Variants in EFR3A observed in about 807,000 individuals in gnomAD.
The protein encoded by EFR3A is protein EFR3 homolog A.
EFR3A carries 76 observed loss-of-function variants against 104.4 expected under a neutral mutation model. The ratio of observed to expected loss-of-function variants is 0.73; its 90% CI spans 0.60 to 0.88. EFR3A has a LOEUF of 0.88. EFR3A is among the 40% of genes least tolerant of loss of function. The pLI, the probability that EFR3A is intolerant of heterozygous loss-of-function variation, is 0.00. For synonymous variants in EFR3A, 330 were observed against 330.0 expected, an observed-to-expected ratio of 1.00 and a Z score of 0.00; for missense variants, 985 against 1,012.5, an observed-to-expected ratio of 0.97 and a Z score of 0.37.
At chr8:131,907,912 CA>C (rs1451112635) in intron 1 of EFR3A, among the ~76,000 whole-genome samples, 2 of 151,734 alleles carry the variant, frequency 1.3e-5, no homozygotes, top group African/African-American at 4.8e-5. Context: ...TTCTTTTTTG[CA>C]GTGACCTTTG....
intron 12 of EFR3A, 29 bp downstream of exon 12, chr8:131,977,121 CACTT>C (rs746613114): frequency 2.6e-5 from 40 of 1,520,406 alleles, no homozygotes; most frequent in Non-Finnish European, 3.5e-5. Context: ...ATAAAGGACA[CACTT>C]AACCTTAAAT....
intron 1 of EFR3A, among the ~76,000 whole-genome samples, chr8:131,907,436 C>A (rs1216823969): frequency 6.6e-6 from 1 of 152,184 alleles, no homozygotes; most frequent in Admixed American, 6.5e-5. Flanking sequence ...CCAAAACTCT[C>A]AAATATTGTT....
chr8:131,996,526 A>G, intron 19 of EFR3A, 29 bp downstream of exon 19: 1 of 1,476,034 alleles, frequency 6.8e-7, no homozygotes, highest in Non-Finnish European at 9.3e-7. Context: ...ATGGTAGAGT[A>G]CTGTCTTGGT....
intron 3 of EFR3A, among the ~76,000 whole-genome samples, chr8:131,945,551 A>G (rs976859179): frequency 1.3e-5 from 2 of 152,068 alleles, no homozygotes; most frequent in Non-Finnish European, 2.9e-5. Context: ...CACTTAGAAC[A>G]TTTTAGTAAG....
intron 1 of EFR3A, among the ~76,000 whole-genome samples, chr8:131,918,156 G>T (rs369842963): frequency 6.6e-6 from 1 of 152,074 alleles, no homozygotes; most frequent in East Asian, 1.9e-4. Flanking sequence ...GCGTGGTGGC[G>T]CATGCCTGCA....
Position 131,987,738 on chromosome 8 carries a change from A to T in EFR3A, c.2065+36A>T, listed in dbSNP as rs1351631246. Reference sequence around the variant, plus strand: ...GATAATTAGAACTTTCACTCTGGTGATTGCTTATGTTATAGTAAATTTTTC... The same window carrying T: ...GATAATTAGAACTTTCACTCTGGTGTTTGCTTATGTTATAGTAAATTTTTC... On this transcript the variant is annotated intron_variant, in intron 18 of 22. Transcript: ENST00000254624. 3 of 1,548,910 alleles carry T rather than the reference A, an allele frequency of 1.9e-6. No homozygotes were observed. The South Asian group carries it at 3.7e-5, about 19-fold the overall frequency.
At chr8:131,952,169 C>T (rs1159152127) in intron 5 of EFR3A, among the ~76,000 whole-genome samples, 5 of 152,090 alleles carry the variant, frequency 3.3e-5, no homozygotes, top group Non-Finnish European at 7.4e-5. Flanking sequence ...TCATTGTCAT[C>T]ATCCTCGTCG....
intron 5 of EFR3A, among the ~76,000 whole-genome samples, chr8:131,953,278 A>G (rs1401204897): frequency 1.3e-5 from 2 of 152,072 alleles, no homozygotes. Context: ...TTATAGACAT[A>G]TTTGTATATA....
At chr8:131,966,116 C>G (rs957409822) in intron 8 of EFR3A, among the ~76,000 whole-genome samples, 5 of 151,984 alleles carry the variant, frequency 3.3e-5, no homozygotes, top group African/African-American at 9.7e-5. Context: ...ACGTAAATGA[C>G]GAGTTAATGG....
At chr8:131,944,605 A>G in intron 2 of EFR3A, 140 bp from the exon 3 acceptor site, 1 of 813,584 alleles carries the variant, frequency 1.2e-6, no homozygotes, top group South Asian at 2.0e-5. Context: ...GTTAGCACTA[A>G]GGAGGTTATG....
At chr8:131,960,130 T>TG (rs1819228892) in intron 8 of EFR3A, among the ~76,000 whole-genome samples, 1 of 152,210 alleles carries the variant, frequency 6.6e-6, no homozygotes, top group African/African-American at 2.4e-5. Context: ...AGTGTGCACT[T>TG]GCCTTTCCAG....
intron 9 of EFR3A, 80 bp downstream of exon 9, chr8:131,968,510 G>A: frequency 7.5e-7 from 1 of 1,333,760 alleles, no homozygotes; most frequent in East Asian, 2.5e-5. Flanking sequence ...AGTGTATGAA[G>A]AACTCTTTAA....
At chr8:131,980,927 A>T (rs561592228) in intron 14 of EFR3A, among the ~76,000 whole-genome samples, 102 of 151,922 alleles carry the variant, frequency 6.7e-4, no homozygotes, top group African/African-American at 2.5e-3. Flanking sequence ...CTTGTGACTG[A>T]CTTGTTTGAC....
In EFR3A at chr8:132,013,463, A is replaced by G. The variant is rs1822451486; in HGVS notation, c.*2568A>G. The G allele has an allele frequency of 6.6e-6, 1 of 152,562 alleles. No homozygotes were observed. Among genetic ancestry groups the G allele is most frequent in the Non-Finnish European group, 1.5e-5 (1 of 68,030 alleles). 9.5% of individuals were successfully genotyped at this position (152,562 alleles called of 1,614,324 possible). A position where few individuals can be genotyped will look rare whatever the true frequency, so the allele number is the denominator to read the frequency against. On this transcript the variant is annotated 3_prime_UTR_variant, in exon 23 of 23. Transcript: ENST00000254624. Reference sequence around the variant, plus strand: ...TTTCTTCCTGTCTGAAAATGGAACTAATTTGTCTTATTCGTGCTTATATCT... The same window carrying G: ...TTTCTTCCTGTCTGAAAATGGAACTGATTTGTCTTATTCGTGCTTATATCT...
At chr8:131,939,901 A>G (rs764787949) in intron 1 of EFR3A, 2 of 152,292 alleles carry the variant, frequency 1.3e-5, no homozygotes, top group Non-Finnish European at 2.9e-5. Context: ...GTGAGGGGGC[A>G]CAGATGAGGA....
intron 1 of EFR3A, among the ~76,000 whole-genome samples, chr8:131,912,140 G>GT (rs1816540927): frequency 6.6e-6 from 1 of 152,104 alleles, no homozygotes; most frequent in South Asian, 2.1e-4. Flanking sequence ...TCATTTTGGA[G>GT]TATGTTTTCT....
At position 131,950,009 on chromosome 8, in the gene EFR3A, A is replaced by G. The variant is rs1330029624; in HGVS notation, c.407A>G (p.Tyr136Cys). Residue 136 changes from tyrosine (Y) to cysteine (C), a missense_variant, in exon 5 of 23, where the codon TAT becomes TGT. By Grantham distance (194) the Tyr-to-Cys change is radical. Transcript: ENST00000254624. ...AATATTGAAGAAGACACACCATCCT[A>G]TCACAGACGTTATGACTTTTTTGTG... ...FANIEEDTPS[Y>C]HRRYDFFVSR... 3.1e-6 allele frequency: 5 copies of G among 1,605,982 alleles called. No homozygotes were observed. Among genetic ancestry groups the G allele is most frequent in the South Asian group, 1.1e-5 (1 of 89,186 alleles).
At position 132,010,845 on chromosome 8, in the gene EFR3A, C is replaced by T; in HGVS notation, c.2416C>T (p.Gln806Ter). The change falls in exon 23 of 23, where the codon CAA becomes TAA. Residue 806 changes from glutamine (Q) to a stop codon, truncating the protein, a stop_gained. Coordinates refer to ENST00000254624, the MANE Select transcript of EFR3A (RefSeq NM_015137.6). LOFTEE classifies it high-confidence loss of function. ...CATTACTTCTGGGCATGCCCAATACCAATCTGTCCCAGTCTATGAGATGAA... is the reference window on the plus strand; with the variant it reads ...CATTACTTCTGGGCATGCCCAATACTAATCTGTCCCAGTCTATGAGATGAA... ...LTITSGHAQY[Q>*]SVPVYEMKFP... The T allele has an allele frequency of 6.2e-7, 1 of 1,612,554 alleles. No homozygotes were observed. The highest frequency in any genetic ancestry group is 8.5e-7 in the Non-Finnish European group (1 of 1,178,924).
intron 1 of EFR3A, among the ~76,000 whole-genome samples, chr8:131,939,188 C>A (rs931045408): frequency 2.6e-5 from 4 of 151,882 alleles, no homozygotes; most frequent in African/African-American, 7.3e-5. Flanking sequence ...TTATTTAATT[C>A]TTATTATTAT....
Sources: gnomAD v4.1 joint callset for allele counts (sites outside exome capture counted in the v4.1 genomes callset) on GRCh38, gnomAD v4.1.1 for gene constraint, MANE v1.5 for transcripts, NCBI Gene and HGNC (gene_info 2026-07-23, HGNC 2026-07-21) for gene names.